Variants in IGF2BP2 observed in about 807,000 individuals in gnomAD.
IGF2BP2 encodes the protein insulin-like growth factor 2 mRNA-binding protein 2.
In IGF2BP2, 17 loss-of-function variants were observed where a neutral mutation model predicts 75.8. The ratio of observed to expected loss-of-function variants is 0.22; its 90% CI spans 0.15 to 0.34. The LOEUF (loss-of-function observed/expected upper bound fraction) is 0.34, where lower values mean the gene tolerates loss of function less well. IGF2BP2 is among the 10% of genes least tolerant of loss of function. The pLI, the probability that IGF2BP2 is intolerant of heterozygous loss-of-function variation, is 1.00. For missense variants in IGF2BP2, 516 were observed against 772.4 expected, an observed-to-expected ratio of 0.67 and a Z score of 3.93; for synonymous variants, 288 against 295.6, an observed-to-expected ratio of 0.97 and a Z score of 0.26.
chr3:185,777,950 A>C (rs1182062634), intron 2 of IGF2BP2, among the ~76,000 whole-genome samples: 1 of 152,102 alleles, frequency 6.6e-6, no homozygotes, highest in Non-Finnish European at 1.5e-5. Context: ...AGGCTGAGGC[A>C]GGAGAATCTC....
chr3:185,710,001 T>C (rs970598782), intron 2 of IGF2BP2, among the ~76,000 whole-genome samples: 7 of 152,206 alleles, frequency 4.6e-5, no homozygotes, highest in African/African-American at 1.7e-4. Flanking sequence ...GGCTAAGCAC[T>C]TATGTTAGGT....
intron 2 of IGF2BP2, among the ~76,000 whole-genome samples, chr3:185,729,229 G>T (rs957119343): frequency 1.8e-4 from 27 of 152,146 alleles, no homozygotes; most frequent in African/African-American, 6.3e-4. Flanking sequence ...CTCAGGAAAG[G>T]CAACTGTGTG....
At chr3:185,801,660 C>T (rs1560493253) in intron 2 of IGF2BP2, among the ~76,000 whole-genome samples, 1 of 152,082 alleles carries the variant, frequency 6.6e-6, no homozygotes, top group Non-Finnish European at 1.5e-5. Flanking sequence ...CCAGCAATCC[C>T]ATTACTGAGT....
At chr3:185,778,225 C>T (rs960515399) in intron 2 of IGF2BP2, among the ~76,000 whole-genome samples, 3 of 152,086 alleles carry the variant, frequency 2.0e-5, no homozygotes, top group African/African-American at 7.2e-5. Context: ...CAGAAGCAAC[C>T]CTGGACAGGA....
chr3:185,682,253 G>C (rs1720497532), intron 7 of IGF2BP2, among the ~76,000 whole-genome samples: 1 of 152,204 alleles, frequency 6.6e-6, no homozygotes, highest in Non-Finnish European at 1.5e-5. Flanking sequence ...AGGACTTTTA[G>C]GAGGTGATGA....
At chr3:185,804,154 G>C (rs1180311359) in intron 2 of IGF2BP2, among the ~76,000 whole-genome samples, 1 of 151,794 alleles carries the variant, frequency 6.6e-6, no homozygotes, top group Non-Finnish European at 1.5e-5. Context: ...CTACTCGGGA[G>C]ACTGAGGCAG....
chr3:185,792,697 T>C (rs1578321068), intron 2 of IGF2BP2, among the ~76,000 whole-genome samples: 1 of 144,780 alleles, frequency 6.9e-6, no homozygotes, highest in South Asian at 2.2e-4. Context: ...ACCCCGGAGG[T>C]GGAGGTTACA....
rs568705179 is a variant in IGF2BP2, at chr3:185,672,779, T to C, written c.1072-110A>G. On this transcript the variant is annotated intron_variant, in intron 9 of 15. Coordinates refer to ENST00000382199, the MANE Select transcript of IGF2BP2 (RefSeq NM_006548.6). Reference sequence around the variant, plus strand: ...ATGGCACCAGCGTCTCCTAATCAGCTCTGCCCAGGCTCTTCCTACCCTGTA... The same window carrying C: ...ATGGCACCAGCGTCTCCTAATCAGCCCTGCCCAGGCTCTTCCTACCCTGTA... 27 of 1,238,008 alleles carry C rather than the reference T, an allele frequency of 2.2e-5. No individual in the cohort carries two copies. The Admixed American group carries it at 3.7e-4, about 17-fold the overall frequency. The allele number at this position is 1,238,008 out of a possible 1,614,324, so 76.7% of individuals were successfully genotyped here. A position where few individuals can be genotyped will look rare whatever the true frequency, so the allele number is the denominator to read the frequency against.
In IGF2BP2 at chr3:185,825,036, T is replaced by TCTC. The variant is rs1299919668; in HGVS notation, c.-79_-77dup. The TCTC allele has an allele frequency of 3.3e-6, 4 of 1,216,730 alleles. No homozygotes were observed. The highest frequency in any genetic ancestry group is 2.9e-5 in the Admixed American group (1 of 33,928). The allele number at this position is 1,216,730 out of a possible 1,614,324, so 75.4% of individuals were successfully genotyped here. A position where few individuals can be genotyped will look rare whatever the true frequency, so the allele number is the denominator to read the frequency against. On this transcript the variant is annotated 5_prime_UTR_variant, in exon 1 of 16. Coordinates refer to ENST00000382199, the MANE Select transcript of IGF2BP2 (RefSeq NM_006548.6). ...CCTCGCCTCCTCCGCTGCCCTCGTC[T>TCTC]CTCCTCCTCCTCCGCCCCCCCTCCC... is the stretch of plus-strand genomic sequence containing the variant.
At chr3:185,763,279 A>C (rs868450249) in intron 2 of IGF2BP2, among the ~76,000 whole-genome samples, 1 of 152,136 alleles carries the variant, frequency 6.6e-6, no homozygotes, top group Non-Finnish European at 1.5e-5. Context: ...CCATTTTAAA[A>C]CAAGCTTTTT....
At chr3:185,799,885 C>G (rs1578347241) in intron 2 of IGF2BP2, among the ~76,000 whole-genome samples, 1 of 152,160 alleles carries the variant, frequency 6.6e-6, no homozygotes, top group Non-Finnish European at 1.5e-5. Flanking sequence ...CCTCAAGGAT[C>G]TAGAACTAGA....
intron 2 of IGF2BP2, among the ~76,000 whole-genome samples, chr3:185,775,683 TATTTGAACTTTA>T (rs1734451960): frequency 6.6e-6 from 1 of 152,156 alleles, no homozygotes; most frequent in South Asian, 2.1e-4. Flanking sequence ...AGGTCTAAGA[TATTTGAACTTTA>T]GCTTGAAGAG....
At chr3:185,786,945 A>G (rs1735974212) in intron 2 of IGF2BP2, among the ~76,000 whole-genome samples, 1 of 152,106 alleles carries the variant, frequency 6.6e-6, no homozygotes, top group African/African-American at 2.4e-5. Flanking sequence ...TGTTTTCACA[A>G]CCTTTCGAAA....
chr3:185,653,046 A>G (rs987472569), intron 12 of IGF2BP2, among the ~76,000 whole-genome samples: 122 of 152,208 alleles, frequency 8.0e-4, no homozygotes, highest in African/African-American at 2.9e-3. Context: ...CCTCCAAAGA[A>G]GAGCTCAAGT....
At chr3:185,702,710 T>A (rs1723480725) in intron 2 of IGF2BP2, among the ~76,000 whole-genome samples, 1 of 152,022 alleles carries the variant, frequency 6.6e-6, no homozygotes, top group African/African-American at 2.4e-5. Flanking sequence ...AGAGGGCTAC[T>A]CCTGCCTTCC....
intron 6 of IGF2BP2, among the ~76,000 whole-genome samples, chr3:185,687,563 G>A (rs1420072920): frequency 6.6e-6 from 1 of 152,208 alleles, no homozygotes; most frequent in Non-Finnish European, 1.5e-5. Flanking sequence ...CACAGTGCCG[G>A]TCTCTGAACT....
chr3:185,808,252 G>A (rs1171661189), intron 2 of IGF2BP2, among the ~76,000 whole-genome samples: 1 of 152,058 alleles, frequency 6.6e-6, no homozygotes, highest in South Asian at 2.1e-4. Flanking sequence ...GAGGCGGGTG[G>A]ATCACCTGAG....
At chr3:185,715,777 G>A (rs775618130) in intron 2 of IGF2BP2, among the ~76,000 whole-genome samples, 3 of 152,028 alleles carry the variant, frequency 2.0e-5, no homozygotes, top group Non-Finnish European at 4.4e-5. Flanking sequence ...CCAAGTAGCT[G>A]GGATTACCAG....
intron 2 of IGF2BP2, among the ~76,000 whole-genome samples, chr3:185,731,888 A>G (rs1004645624): frequency 1.3e-5 from 2 of 152,058 alleles, no homozygotes; most frequent in African/African-American, 4.8e-5. Flanking sequence ...AGGCTGAGGC[A>G]GGAGAATGGC....
Sources: gnomAD v4.1 joint callset for allele counts (sites outside exome capture counted in the v4.1 genomes callset) on GRCh38, gnomAD v4.1.1 for gene constraint, MANE v1.5 for transcripts, NCBI Gene and HGNC (gene_info 2026-07-23, HGNC 2026-07-21) for gene names.